The following NIPBL variants were observed in gnomAD, a reference collection of about 807,000 sequenced individuals.
NIPBL encodes NIPBL cohesin loading factor.
A neutral mutation model predicts 321.8 loss-of-function variants in NIPBL; 19 were observed. The ratio of observed to expected loss-of-function variants is 0.06; its 90% confidence interval spans 0.04 to 0.09. The LOEUF is 0.09. NIPBL is among the 10% of genes least tolerant of loss of function. The probability of loss-of-function intolerance (pLI) is 1.00; values close to 1 mark genes in which losing one functional copy is unlikely to be tolerated. For missense variants in NIPBL, 2,210 were observed against 3,327.0 expected (o/e 0.66, Z 8.26); for synonymous variants, 1,106 against 1,114.1 (o/e 0.99, Z 0.14).
At chr5:37,055,220 G>A (rs771410608) in intron 42 of NIPBL, among the ~76,000 whole-genome samples, 6 of 151,974 alleles carry the variant, frequency 3.9e-5, no homozygotes, top group African/African-American at 9.7e-5. Context: ...GCATGATGGC[G>A]CGCACCTGTA....
Position 36,953,193 on chromosome 5 carries a change from A to G in NIPBL, c.-79-425A>G, listed in dbSNP as rs78288235. 3.0e-3 allele frequency among the ~76,000 whole-genome samples: 459 copies of G among 152,320 alleles called. 3 individuals are homozygous for G. Among genetic ancestry groups the G allele is most frequent in the Admixed American group, 4.9e-3 (75 of 15,300 alleles). Reference sequence around the variant, plus strand: ...ACAGCTAGAAAGGCAAGTTGAAGCTAGATTATGAGGTTAAATGTTTAACGT... The same window carrying G: ...ACAGCTAGAAAGGCAAGTTGAAGCTGGATTATGAGGTTAAATGTTTAACGT... On this transcript the variant is annotated intron_variant, in intron 1 of 46. Transcript: ENST00000282516.
At chr5:36,905,044 GTGAAAAA>G (rs1192233058) in intron 1 of NIPBL, among the ~76,000 whole-genome samples, 1 of 152,176 alleles carries the variant, frequency 6.6e-6, no homozygotes, top group African/African-American at 2.4e-5. Flanking sequence ...TGATGCAAAA[GTGAAAAA>G]TTCGACAAAA....
In NIPBL at chr5:36,914,396, C is replaced by T. The variant is rs1748293280; in HGVS notation, c.-80+37218C>T. On this transcript the variant is annotated intron_variant, in intron 1 of 46. Transcript: ENST00000282516. ...GTGTTACAGGCCGAGTATCTCTAAT[C>T]CAAAAATCTGAAATCCAAAATGATC... Among the ~76,000 whole-genome samples, 6 of 148,974 alleles carry T rather than the reference C, an allele frequency of 4.0e-5. No homozygotes were observed. The South Asian group carries it at 1.0e-3, about 26-fold the overall frequency.
intron 1 of NIPBL, among the ~76,000 whole-genome samples, chr5:36,897,006 TA>T (rs1467884557): frequency 6.7e-6 from 1 of 148,600 alleles, no homozygotes; most frequent in African/African-American, 2.6e-5. Flanking sequence ...GACTTTTATA[TA>T]TTTTTTTTTT....
intron 32 of NIPBL, among the ~76,000 whole-genome samples, chr5:37,031,330 C>T (rs1750997308): frequency 6.6e-6 from 1 of 152,100 alleles, no homozygotes; most frequent in African/African-American, 2.4e-5. Context: ...CCTTTATAAC[C>T]TTTAACAATT....
At chr5:36,918,173 A>G (rs1205382306) in intron 1 of NIPBL, among the ~76,000 whole-genome samples, 3 of 151,960 alleles carry the variant, frequency 2.0e-5, no homozygotes, top group Non-Finnish European at 4.4e-5. Context: ...ATGTTCTTCC[A>G]TTTGTTTGTA....
intron 1 of NIPBL, among the ~76,000 whole-genome samples, chr5:36,918,587 G>A (rs565413578): frequency 3.3e-4 from 50 of 151,974 alleles, no homozygotes; most frequent in Admixed American, 7.9e-4. Context: ...GAGAGAGGGC[G>A]TCCCTGTCTT....
chr5:37,038,528 T>C (rs1185379098), intron 33 of NIPBL, 74 bp from the exon 34 acceptor site: 3 of 1,365,234 alleles, frequency 2.2e-6, no homozygotes, highest in Non-Finnish European at 3.1e-6. Context: ...TATTAAGTAA[T>C]TTAAATAATA....
intron 1 of NIPBL, among the ~76,000 whole-genome samples, chr5:36,935,794 T>A (rs997016383): frequency 2.0e-5 from 3 of 151,676 alleles, no homozygotes; most frequent in Non-Finnish European, 4.4e-5. Flanking sequence ...TAGGAAAGAG[T>A]CTTTCCTTGC....
intron 16 of NIPBL, 143 bp from the exon 17 acceptor site, chr5:37,006,214 T>A: frequency 1.5e-6 from 1 of 652,266 alleles, no homozygotes; most frequent in Non-Finnish European, 2.7e-6. Context: ...TATCAGTATT[T>A]GTACCTCATT....
At chr5:36,981,078 A>G (rs1159708441) in intron 9 of NIPBL, among the ~76,000 whole-genome samples, 5 of 151,736 alleles carry the variant, frequency 3.3e-5, no homozygotes. Flanking sequence ...CTAAATGTTA[A>G]AGTGGACATT....
chr5:36,882,306 G>A (rs1745567131), intron 1 of NIPBL, among the ~76,000 whole-genome samples: 1 of 151,910 alleles, frequency 6.6e-6, no homozygotes, highest in African/African-American at 2.4e-5. Context: ...CTTTATGTTT[G>A]TAATATGTAG....
intron 1 of NIPBL, among the ~76,000 whole-genome samples, chr5:36,887,590 A>AT (rs1746014316): frequency 6.6e-6 from 1 of 152,008 alleles, no homozygotes; most frequent in African/African-American, 2.4e-5. Flanking sequence ...TTGACCTCCC[A>AT]TTTTTTAAGT....
intron 21 of NIPBL, among the ~76,000 whole-genome samples, 187 bp downstream of exon 21, chr5:37,010,412 T>A (rs1363808745): frequency 6.6e-6 from 1 of 151,920 alleles, no homozygotes; most frequent in African/African-American, 2.4e-5. Flanking sequence ...GCCTCCCGGG[T>A]TCAAGTGATT....
At chr5:36,929,594 G>A (rs1200589239) in intron 1 of NIPBL, among the ~76,000 whole-genome samples, 1 of 151,694 alleles carries the variant, frequency 6.6e-6, no homozygotes, top group African/African-American at 2.4e-5. Context: ...ATCTTTTATG[G>A]CTCATGTTTT....
At chr5:36,958,269 G>GT (rs1741205683) in intron 4 of NIPBL, 38 bp downstream of exon 4, 1 of 1,604,272 alleles carries the variant, frequency 6.2e-7, no homozygotes. Context: ...TATCAAACTT[G>GT]TTTTATACAT....
chr5:36,902,171 T>G (rs1234284494), intron 1 of NIPBL, among the ~76,000 whole-genome samples: 1 of 152,122 alleles, frequency 6.6e-6, no homozygotes, highest in East Asian at 1.9e-4. Context: ...CTTTGTTGGA[T>G]GTATCGTTTG....
chr5:36,994,004 T>C (rs1466541783), intron 10 of NIPBL, among the ~76,000 whole-genome samples: 1 of 152,130 alleles, frequency 6.6e-6, no homozygotes, highest in Admixed American at 6.5e-5. Context: ...AAGACACATA[T>C]TAAAGTAGAG....
intron 24 of NIPBL, 74 bp from the exon 25 acceptor site, chr5:37,019,237 T>G (rs1423263136): frequency 1.0e-6 from 1 of 956,978 alleles, no homozygotes; most frequent in South Asian, 1.3e-5. Flanking sequence ...CCTTCAGATT[T>G]GTGTTTACAA....
Sources: allele counts gnomAD v4.1 joint callset (sites outside exome capture counted in the v4.1 genomes callset), GRCh38; gene constraint gnomAD v4.1.1; transcripts MANE v1.5; gene names NCBI Gene and HGNC (gene_info 2026-07-23, HGNC 2026-07-21).